RIT2: variants seen among roughly 807,000 people sequenced by gnomAD.
RIT2 encodes the protein GTP-binding protein Rit2.
Under a neutral mutation model 23.7 loss-of-function variants are expected in RIT2, and 24 were observed. The ratio of observed to expected loss-of-function variants is 1.01; its 90% CI spans 0.73 to 1.43. RIT2 has a LOEUF of 1.43. RIT2 is among the 40% of genes most tolerant of loss of function. The pLI is 0.00. For synonymous variants in RIT2, 107 were observed against 91.1 expected (o/e 1.17, Z -0.99); for missense variants, 236 against 266.9 (o/e 0.88, Z 0.81).
chr18:43,091,241 GTTAT>G (rs1317228251), intron 1 of RIT2, among the ~76,000 whole-genome samples: 3 of 151,848 alleles, frequency 2.0e-5, no homozygotes, highest in Non-Finnish European at 2.9e-5. Flanking sequence ...CCTTTGTGCT[GTTAT>G]TTAAGACAAA....
intron 4 of RIT2, among the ~76,000 whole-genome samples, chr18:42,861,539 C>A (rs1243969901): frequency 6.6e-6 from 1 of 152,204 alleles, no homozygotes; most frequent in Non-Finnish European, 1.5e-5. Flanking sequence ...CCACTCTATG[C>A]CCCATGGGAG....
chr18:42,769,420 A>G (rs1356607918), intron 4 of RIT2, among the ~76,000 whole-genome samples: 2 of 152,084 alleles, frequency 1.3e-5, no homozygotes, highest in Non-Finnish European at 2.9e-5. Flanking sequence ...GGAGTTGCCA[A>G]CTACTGTGTA....
At chr18:42,948,887 G>C (rs1909786480) in intron 3 of RIT2, 3 of 394,796 alleles carry the variant, frequency 7.6e-6, no homozygotes, top group African/African-American at 2.1e-5. Context: ...CAAAGTATAG[G>C]AAAGGAAATG....
intron 3 of RIT2, among the ~76,000 whole-genome samples, chr18:42,950,409 T>G (rs1263341149): frequency 1.3e-5 from 2 of 151,968 alleles, no homozygotes; most frequent in Non-Finnish European, 2.9e-5. Context: ...GGATGAAAGA[T>G]TTAAATGTAA....
chr18:43,023,540 T>TA (rs1304305714), intron 2 of RIT2, among the ~76,000 whole-genome samples: 4 of 152,072 alleles, frequency 2.6e-5, no homozygotes, highest in African/African-American at 9.6e-5. Flanking sequence ...TTATTTCACA[T>TA]AAAAATCATG....
intron 3 of RIT2, among the ~76,000 whole-genome samples, chr18:42,935,282 G>A (rs1419472708): frequency 6.6e-6 from 1 of 152,152 alleles, no homozygotes; most frequent in African/African-American, 2.4e-5. Flanking sequence ...ACTCCGAATT[G>A]CTTCACTAGA....
intron 4 of RIT2, among the ~76,000 whole-genome samples, chr18:42,872,582 C>T (rs1907647196): frequency 6.6e-6 from 1 of 152,154 alleles, no homozygotes; most frequent in South Asian, 2.1e-4. Flanking sequence ...TATCCTACGT[C>T]AAAATAAATA....
chr18:42,953,239 C>T (rs1909895283), intron 3 of RIT2, among the ~76,000 whole-genome samples: 1 of 151,972 alleles, frequency 6.6e-6, no homozygotes, highest in Non-Finnish European at 1.5e-5. Flanking sequence ...GACATTCTGC[C>T]ATGTTTATTT....
chr18:43,063,672 T>G (rs1912704748), intron 1 of RIT2, among the ~76,000 whole-genome samples: 1 of 152,260 alleles, frequency 6.6e-6, no homozygotes, highest in Non-Finnish European at 1.5e-5. Context: ...CTGGAAATCT[T>G]AAATACATAA....
At chr18:43,076,832 G>A (rs1163979124) in intron 1 of RIT2, among the ~76,000 whole-genome samples, 1 of 152,016 alleles carries the variant, frequency 6.6e-6, no homozygotes, top group Non-Finnish European at 1.5e-5. Flanking sequence ...GGCCGGGCGC[G>A]GTGGCTCATG....
chr18:42,847,266 A>C (rs962130852), intron 4 of RIT2, among the ~76,000 whole-genome samples: 2 of 152,168 alleles, frequency 1.3e-5, no homozygotes, highest in African/African-American at 4.8e-5. Flanking sequence ...GACTACAGGA[A>C]ATAAAGAACT....
intron 4 of RIT2, among the ~76,000 whole-genome samples, chr18:42,812,046 G>A (rs192119602): frequency 5.3e-5 from 8 of 152,140 alleles, no homozygotes; most frequent in African/African-American, 1.9e-4. Context: ...TATGCAAGAT[G>A]TATGGTAAGT....
At chr18:42,864,021 T>A (rs1907401890) in intron 4 of RIT2, among the ~76,000 whole-genome samples, 1 of 150,046 alleles carries the variant, frequency 6.7e-6, no homozygotes, top group Non-Finnish European at 1.5e-5. Context: ...ACAAATTGAA[T>A]GACAAGATTG....
At chr18:42,943,298 C>A (rs1338816150) in intron 3 of RIT2, among the ~76,000 whole-genome samples, 1 of 152,058 alleles carries the variant, frequency 6.6e-6, no homozygotes, top group South Asian at 2.1e-4. Context: ...CTGATTGGTG[C>A]ATTTTCCAAT....
chr18:43,051,901 G>A (rs184191234), intron 1 of RIT2, among the ~76,000 whole-genome samples: 22 of 152,202 alleles, frequency 1.4e-4, no homozygotes, highest in African/African-American at 3.9e-4. Context: ...TCAAGCTAGA[G>A]GTTCTTTTGG....
chr18:43,105,950 C>T (rs1333214545), intron 1 of RIT2, among the ~76,000 whole-genome samples: 5 of 152,248 alleles, frequency 3.3e-5, no homozygotes, highest in Admixed American at 2.0e-4. Context: ...TATATGGTAA[C>T]GAGCACAGTG....
intron 4 of RIT2, among the ~76,000 whole-genome samples, chr18:42,807,736 C>A (rs1004475945): frequency 1.1e-4 from 17 of 151,996 alleles, no homozygotes; most frequent in African/African-American, 3.9e-4. Flanking sequence ...TTACGAGAAC[C>A]CTTGTCCCTT....
At chr18:42,939,179 G>A (rs1042177628) in intron 3 of RIT2, among the ~76,000 whole-genome samples, 3 of 152,040 alleles carry the variant, frequency 2.0e-5, no homozygotes, top group Admixed American at 6.6e-5. Context: ...AAATTATATC[G>A]GCAAGAGGCT....
intron 1 of RIT2, among the ~76,000 whole-genome samples, chr18:43,079,539 C>T (rs4586542): frequency 0.22 from 33,129 of 152,020 alleles, 4,109 homozygotes; most frequent in East Asian, 0.55. Flanking sequence ...CAAAGATCAT[C>T]GTTAAGTAGG....
Sources: gnomAD v4.1 joint callset for allele counts (sites outside exome capture counted in the v4.1 genomes callset) on GRCh38, gnomAD v4.1.1 for gene constraint, MANE v1.5 for transcripts, NCBI Gene and HGNC (gene_info 2026-07-23, HGNC 2026-07-21) for gene names.